The following RASGRF2 variants were observed in gnomAD, a reference collection of about 807,000 sequenced individuals.
The protein encoded by RASGRF2 is ras-specific guanine nucleotide-releasing factor 2.
RASGRF2 carries 76 observed loss-of-function variants against 151.0 expected under a neutral mutation model. The ratio of observed to expected loss-of-function variants is 0.50; its 90% confidence interval spans 0.42 to 0.61. The LOEUF (loss-of-function observed/expected upper bound fraction) is 0.61, where lower values mean the gene tolerates loss of function less well. Among genes scored for constraint, RASGRF2 ranks in the 20% least tolerant of loss-of-function variants. The probability of loss-of-function intolerance (pLI) is 0.00; values close to 1 mark genes in which losing one functional copy is unlikely to be tolerated. For missense variants in RASGRF2, 1,148 were observed against 1,564.6 expected (o/e 0.73, Z 4.49); for synonymous variants, 504 against 566.5 (o/e 0.89, Z 1.57).
intron 1 of RASGRF2, among the ~76,000 whole-genome samples, chr5:80,985,876 T>G (rs1297588559): frequency 1.3e-5 from 2 of 152,038 alleles, no homozygotes; most frequent in Non-Finnish European, 2.9e-5. Context: ...AAGATTTTTG[T>G]TGTGGAAGAT....
In RASGRF2 at chr5:81,094,772, G is replaced by T. The variant is rs569858686; in HGVS notation, c.1619-84G>T. On this transcript the variant is annotated intron_variant, in intron 11 of 26. Coordinates refer to ENST00000265080, the MANE Select transcript of RASGRF2 (RefSeq NM_006909.3). ...GTCCCGATTTGAGTGCAAATGGATT[G>T]TATAAATAGAATAATGTGAAGGCAG... is the stretch of plus-strand genomic sequence containing the variant. The T allele has an allele frequency of 7.7e-6, 11 of 1,429,072 alleles. No homozygotes were observed. In the South Asian group the frequency reaches 1.1e-4, roughly 14 times the overall value. 88.5% of individuals were successfully genotyped at this position (1,429,072 alleles called of 1,614,324 possible). A position where few individuals can be genotyped will look rare whatever the true frequency, so the allele number is the denominator to read the frequency against.
chr5:81,115,560 G>C (rs1318179014), intron 15 of RASGRF2, among the ~76,000 whole-genome samples: 1 of 152,182 alleles, frequency 6.6e-6, no homozygotes, highest in Non-Finnish European at 1.5e-5. Flanking sequence ...GCGGTAGATA[G>C]GAGAGGAGAA....
chr5:81,037,213 T>A (rs888197560), intron 1 of RASGRF2, among the ~76,000 whole-genome samples: 4 of 152,168 alleles, frequency 2.6e-5, no homozygotes, highest in Non-Finnish European at 5.9e-5. Flanking sequence ...GAGCTTACAG[T>A]TCAAGATGAG....
intron 17 of RASGRF2, among the ~76,000 whole-genome samples, chr5:81,157,032 A>C (rs1754274599): frequency 6.6e-6 from 1 of 152,140 alleles, no homozygotes; most frequent in Non-Finnish European, 1.5e-5. Context: ...TGAACAACCC[A>C]AAAATTAATA....
At chr5:81,027,465 C>T (rs999356673) in intron 1 of RASGRF2, among the ~76,000 whole-genome samples, 1 of 152,184 alleles carries the variant, frequency 6.6e-6, no homozygotes, top group Admixed American at 6.5e-5. Context: ...CTCTGCTCTG[C>T]CCATTCCCCT....
At chr5:81,151,629 G>T (rs1429453924) in intron 17 of RASGRF2, among the ~76,000 whole-genome samples, 1 of 152,092 alleles carries the variant, frequency 6.6e-6, no homozygotes, top group African/African-American at 2.4e-5. Context: ...CTTCCCTGTT[G>T]CTTTATTTCA....
chr5:81,094,935 T>G lies in RASGRF2; in HGVS notation c.1698T>G (p.Val566=). 6.2e-7 allele frequency: 1 copy of G among 1,603,670 alleles called. No individual in the cohort carries two copies. Among genetic ancestry groups the G allele is most frequent in the Non-Finnish European group, 8.5e-7 (1 of 1,173,902 alleles). Residue 566 remains valine (V), a synonymous_variant, in exon 12 of 27, where the codon GTT becomes GTG. Transcript: ENST00000265080. The part of the protein sequence containing the change: ...VEPPDAAAFT[V]VLLAPSRQEK... ...CTCCTGACGCTGCCGCCTTCACTGTTGTCTTGTTAGCACCCTCACGCCAGG... is the reference window on the plus strand; with the variant it reads ...CTCCTGACGCTGCCGCCTTCACTGTGGTCTTGTTAGCACCCTCACGCCAGG...
intron 17 of RASGRF2, among the ~76,000 whole-genome samples, chr5:81,160,453 C>T (rs548558445): frequency 2.0e-5 from 3 of 150,412 alleles, no homozygotes; most frequent in South Asian, 2.1e-4. Flanking sequence ...AGACAGATCA[C>T]GAGGTCAGGA....
chr5:81,206,894 A>G lies in RASGRF2; in HGVS notation c.2956A>G (p.Ile986Val), dbSNP rs777537038. The G allele has an allele frequency of 1.0e-5, 16 of 1,607,298 alleles. No homozygotes were observed. In the African/African-American group the frequency reaches 2.0e-4, roughly 20 times the overall value. ...QDDIHLKLED[I>V]IQMTDCMKAE... ...TGACATCCACCTAAAATTAGAGGATATAATTCAAATGGTAAGTCTGACCAC... is the reference window on the plus strand; with the variant it reads ...TGACATCCACCTAAAATTAGAGGATGTAATTCAAATGGTAAGTCTGACCAC... The change falls in exon 20 of 27, where the codon ATA (isoleucine) becomes GTA (valine). Residue 986 changes from isoleucine to valine, a missense_variant. By Grantham distance (29) the Ile-to-Val change is conservative. This residue lies in a region of RASGRF2 where 646 missense variants were observed against 807.4 expected (regional missense o/e 0.80). Transcript: ENST00000265080.
rs1580210218 is a variant in RASGRF2, at chr5:81,018,837, G to A, written c.289-24040G>A. Among the ~76,000 whole-genome samples, 4 of 138,822 alleles carry A rather than the reference G, an allele frequency of 2.9e-5. No individual in the cohort carries two copies. The Admixed American group carries it at 3.1e-4, about 11-fold the overall frequency. 91.1% of individuals were successfully genotyped at this position (138,822 alleles called of 152,430 possible). A position where few individuals can be genotyped will look rare whatever the true frequency, so the allele number is the denominator to read the frequency against. On this transcript the variant is annotated intron_variant, in intron 1 of 26. Coordinates refer to ENST00000265080, the MANE Select transcript of RASGRF2 (RefSeq NM_006909.3). ...TTTTTTTTTGAGACAGAGTCTCACT[G>A]TGTCACCCAGGCTGGAGCACAGTGG...
intron 1 of RASGRF2, among the ~76,000 whole-genome samples, chr5:81,038,986 C>T (rs560217617): frequency 2.0e-5 from 3 of 152,284 alleles, no homozygotes; most frequent in Non-Finnish European, 2.9e-5. Context: ...AAAAGTTTTA[C>T]ATTTTAATGC....
Position 81,127,169 on chromosome 5 carries a change from T to C in RASGRF2, c.2686+6T>C, listed in dbSNP as rs926544195. The C allele has an allele frequency of 9.3e-6, 15 of 1,611,688 alleles. No individual in the cohort carries two copies. The highest frequency in any genetic ancestry group is 1.3e-5 in the Non-Finnish European group (15 of 1,178,046). On this transcript the variant is annotated splice_donor_region_variant and intron_variant, in intron 17 of 26. Coordinates refer to ENST00000265080, the MANE Select transcript of RASGRF2 (RefSeq NM_006909.3). Reference sequence around the variant, plus strand: ...AGGACATGGGAGTCCACCAGGTGAGTAGGGGAGCAGCTATGTACAGATATG... The same window carrying C: ...AGGACATGGGAGTCCACCAGGTGAGCAGGGGAGCAGCTATGTACAGATATG...
At chr5:81,123,604 A>G in intron 15 of RASGRF2, 38 bp from the exon 16 acceptor site, 2 of 1,596,772 alleles carry the variant, frequency 1.3e-6, no homozygotes, top group Non-Finnish European at 1.7e-6. Context: ...TCTTGAATTC[A>G]TGGCCTGGTT....
rs568484386 is a variant in RASGRF2, at chr5:81,227,627, A to G, written c.*1857A>G. ...CTCCAGAAACTGAGGGTTTGAAATA[A>G]TATGTATCAGTTGCACCAAACACCT... On this transcript the variant is annotated 3_prime_UTR_variant, in exon 27 of 27. Transcript: ENST00000265080. 2.7e-4 allele frequency: 41 copies of G among 152,372 alleles called. No individual in the cohort carries two copies. Among genetic ancestry groups the G allele is most frequent in the African/African-American group, 9.1e-4 (38 of 41,588 alleles). 9.4% of individuals were successfully genotyped at this position (152,372 alleles called of 1,614,324 possible).
At chr5:81,127,248 C>T in intron 17 of RASGRF2, 85 bp downstream of exon 17, 1 of 1,321,632 alleles carries the variant, frequency 7.6e-7, no homozygotes, top group Non-Finnish European at 1.1e-6. Flanking sequence ...TGATGAGACA[C>T]TCGGCAGCTC....
chr5:81,056,067 T>TA (rs1466431628), intron 2 of RASGRF2, among the ~76,000 whole-genome samples: 1 of 151,854 alleles, frequency 6.6e-6, no homozygotes. Flanking sequence ...GTTGATCTTT[T>TA]CAAAAAACCA....
chr5:81,143,601 G>A (rs992725627), intron 17 of RASGRF2, among the ~76,000 whole-genome samples: 9 of 151,950 alleles, frequency 5.9e-5, no homozygotes, highest in Non-Finnish European at 1.3e-4. Flanking sequence ...CATCATATAA[G>A]ATTAAAAAGG....
chr5:80,970,331 G>A (rs1479980219), intron 1 of RASGRF2, among the ~76,000 whole-genome samples: 2 of 152,132 alleles, frequency 1.3e-5, no homozygotes, highest in African/African-American at 2.4e-5. Flanking sequence ...ATTGTTTTAG[G>A]CCCTTTTGAT....
chr5:81,196,524 TC>T (rs1402451406), intron 18 of RASGRF2, among the ~76,000 whole-genome samples: 4 of 152,170 alleles, frequency 2.6e-5, no homozygotes, highest in Non-Finnish European at 5.9e-5. Flanking sequence ...AGACCAGTCT[TC>T]CCAGAGTTCA....
Sources: gnomAD v4.1 joint callset for allele counts (sites outside exome capture counted in the v4.1 genomes callset) on GRCh38, gnomAD v4.1.1 for gene constraint, gnomAD v4.1.1 regional missense constraint, MANE v1.5 for transcripts, NCBI Gene and HGNC (gene_info 2026-07-23, HGNC 2026-07-21) for gene names.